Variants in MYMK observed in about 807,000 individuals in gnomAD.
MYMK encodes protein myomaker.
Under a neutral mutation model 22.4 loss-of-function variants are expected in MYMK, and 16 were observed. The ratio of observed to expected loss-of-function variants is 0.72; its 90% CI spans 0.48 to 1.09. MYMK has a LOEUF of 1.09. MYMK is among the 50% of genes least tolerant of loss of function. MYMK has a pLI of 0.00. For synonymous variants in MYMK, 125 were observed against 127.0 expected, an observed-to-expected ratio of 0.98 and a Z score of 0.11; for missense variants, 250 against 295.6, an observed-to-expected ratio of 0.85 and a Z score of 1.13.
intron 3 of MYMK, among the ~76,000 whole-genome samples, chr9:133,517,087 C>T (rs961008859): frequency 6.6e-6 from 1 of 152,198 alleles, no homozygotes; most frequent in Non-Finnish European, 1.5e-5. Flanking sequence ...GTGGGAAACA[C>T]AGCAGTGAAT....
At chr9:133,521,867 G>A (rs1271830477) in intron 1 of MYMK, among the ~76,000 whole-genome samples, 1 of 152,236 alleles carries the variant, frequency 6.6e-6, no homozygotes, top group African/African-American at 2.4e-5. Context: ...AGATGGTCAT[G>A]TGTGATTAAG....
rs746683157 is a variant in MYMK, at chr9:133,524,711, G to A, written c.134C>T (p.Ala45Val). The part of the protein sequence containing the change: ...MVYLFTLFFV[A>V]LHHACNGPGL... ...CTTCCTCCCAGCCCCCAGACTCACC[G>A]CCACGAAGAACAGGGTGAAGAGGTA... is the stretch of plus-strand genomic sequence containing the variant. The change falls in exon 1 of 5, where the codon GCG (alanine) becomes GTG (valine). Residue 45 changes from alanine to valine, a missense_variant and splice_region_variant. Transcript: ENST00000339996. 100 of 1,614,020 alleles carry A rather than the reference G, an allele frequency of 6.2e-5. No individual in the cohort carries two copies. The highest frequency in any genetic ancestry group is 8.3e-5 in the Non-Finnish European group (98 of 1,180,024).
chr9:133,518,299 G>A (rs537269075), intron 3 of MYMK, among the ~76,000 whole-genome samples: 7 of 152,294 alleles, frequency 4.6e-5, no homozygotes, highest in African/African-American at 1.7e-4. Flanking sequence ...GCTCTGCAAG[G>A]GGCTGTCTGT....
rs115800157 is a variant in MYMK, at chr9:133,516,395, G to A, written c.400-788C>T. Among the ~76,000 whole-genome samples the A allele has an allele frequency of 8.2e-3, 1,248 of 152,308 alleles. 9 individuals carry two copies. Among genetic ancestry groups the A allele is most frequent in the Middle Eastern group, 0.027 (8 of 292 alleles). ...GAAGGAGGGAGGGTTGGGTGATGGC[G>A]GCCTCGGAGTGGGGCCAGACCCGTG... On this transcript the variant is annotated intron_variant, in intron 3 of 4. Coordinates refer to ENST00000339996, the MANE Select transcript of MYMK (RefSeq NM_001080483.3).
At position 133,524,811 on chromosome 9, in the gene MYMK, T is replaced by C. The variant is rs1240410087; in HGVS notation, c.34A>G (p.Thr12Ala). The part of the protein sequence containing the change: ...GTLVAKLLLP[T>A]LSSLAFLPTV... ...GGGAGGAAGGCCAGGCTGCTGAGGGTGGGCAGGAGCAGCTTGGCCACCAGC... is the reference window on the plus strand; with the variant it reads ...GGGAGGAAGGCCAGGCTGCTGAGGGCGGGCAGGAGCAGCTTGGCCACCAGC... The change falls in exon 1 of 5, where the codon ACC becomes GCC. Residue 12 changes from threonine (T) to alanine (A), a missense_variant. Thr to Ala is a moderately conservative substitution (Grantham distance 58). Coordinates refer to ENST00000339996, the MANE Select transcript of MYMK (RefSeq NM_001080483.3). The C allele has an allele frequency of 2.5e-6, 4 of 1,613,106 alleles. No individual in the cohort carries two copies. Among genetic ancestry groups the C allele is most frequent in the Non-Finnish European group, 3.4e-6 (4 of 1,179,732 alleles).
chr9:133,522,743 T>C (rs561330924), intron 1 of MYMK, among the ~76,000 whole-genome samples: 11 of 152,276 alleles, frequency 7.2e-5, no homozygotes, highest in Admixed American at 7.2e-4. Flanking sequence ...TGCAGAGAAA[T>C]CCTGGCTCTG....
At chr9:133,521,411 C>T (rs1054318432) in intron 1 of MYMK, among the ~76,000 whole-genome samples, 12 of 151,968 alleles carry the variant, frequency 7.9e-5, no homozygotes, top group Admixed American at 2.6e-4. Context: ...ACAGAGGGAG[C>T]GGGGGCCCTG....
intron 1 of MYMK, among the ~76,000 whole-genome samples, chr9:133,522,416 C>A (rs1468826147): frequency 1.3e-5 from 2 of 152,074 alleles, no homozygotes; most frequent in Non-Finnish European, 2.9e-5. Flanking sequence ...AGCAAGGTGT[C>A]CGGCACAGAG....
At chr9:133,523,048 C>G (rs1588267145) in intron 1 of MYMK, among the ~76,000 whole-genome samples, 1 of 152,194 alleles carries the variant, frequency 6.6e-6, no homozygotes, top group East Asian at 1.9e-4. Context: ...CTCAGAAGCT[C>G]CAGGGCATCT....
intron 1 of MYMK, 146 bp downstream of exon 1, chr9:133,524,564 A>G: frequency 1.7e-6 from 2 of 1,194,026 alleles, no homozygotes; most frequent in Non-Finnish European, 2.3e-6. Context: ...CTCTCTCTTC[A>G]GTCTCCAGAC....
At chr9:133,520,339 C>A (rs775614589) in intron 1 of MYMK, 51 bp from the exon 2 acceptor site, 6 of 1,479,594 alleles carry the variant, frequency 4.1e-6, no homozygotes, top group Middle Eastern at 3.4e-4. Context: ...AGAGCTGGTC[C>A]CCGAGCCACG....
chr9:133,515,687 G>GGTTT lies in MYMK; in HGVS notation c.400-81_400-80insAAAC. ...CCCTCCCCAAACCAGCCCGAGAGCT[G>GGTTT]GCCCTGCACAGGCTCACCCCAGCCC... On this transcript the variant is annotated intron_variant, in intron 3 of 4. Transcript: ENST00000339996. The surrounding 1 kb of genome is among the most constrained non-coding windows in gnomAD (Gnocchi z 5.8). 1 of 930,572 alleles carries GGTTT rather than the reference G, an allele frequency of 1.1e-6. No individual in the cohort carries two copies. Among genetic ancestry groups the GGTTT allele is most frequent in the Non-Finnish European group, 1.7e-6 (1 of 573,728 alleles). The allele number at this position is 930,572 out of a possible 1,614,324, so 57.6% of individuals were successfully genotyped here. A position where few individuals can be genotyped will look rare whatever the true frequency, so the allele number is the denominator to read the frequency against.
intron 3 of MYMK, among the ~76,000 whole-genome samples, chr9:133,516,119 G>A (rs1401862204): frequency 1.3e-5 from 2 of 152,258 alleles, no homozygotes; most frequent in African/African-American, 2.4e-5. Flanking sequence ...GGCCAGCACT[G>A]CTTCTCAGGT....
At chr9:133,519,372 G>T (rs1844670925) in intron 2 of MYMK, among the ~76,000 whole-genome samples, 1 of 152,136 alleles carries the variant, frequency 6.6e-6, no homozygotes. Flanking sequence ...TTCAAGACTA[G>T]CCTGGGCAAC....
In MYMK at chr9:133,520,299, A is replaced by C. The variant is rs1588266181; in HGVS notation, c.136-11T>G. 6.2e-7 allele frequency: 1 copy of C among 1,612,516 alleles called. No individual in the cohort carries two copies. The highest frequency in any genetic ancestry group is 8.5e-7 in the Non-Finnish European group (1 of 1,178,944). On this transcript the variant is annotated splice_polypyrimidine_tract_variant and intron_variant, in intron 1 of 4. Transcript: ENST00000339996. ...GCAGGCATGGTGGAGCTGCCAGAAA[A>C]CCCACAGGTGGTCACAGCACAAAGA...
chr9:133,517,847 C>T (rs9286381), intron 3 of MYMK, among the ~76,000 whole-genome samples: 141,694 of 152,198 alleles, frequency 0.93, 66,191 homozygotes, highest in East Asian at 1. Context: ...AGAACTCGAG[C>T]GCTCTCCCCA....
chr9:133,515,399 C>T lies in MYMK; in HGVS notation c.516+92G>A. 2 of 879,942 alleles carry T rather than the reference C, an allele frequency of 2.3e-6. No homozygotes were observed. The highest frequency in any genetic ancestry group is 3.7e-6 in the Non-Finnish European group (2 of 540,508). The allele number at this position is 879,942 out of a possible 1,614,324, so 54.5% of individuals were successfully genotyped here. A position where few individuals can be genotyped will look rare whatever the true frequency, so the allele number is the denominator to read the frequency against. Reference sequence around the variant, plus strand: ...TTTGGCCTGGGGCTGTCAGAGTCCCCCCAGCGTGGGCACAGCCCTGGTATC... The same window carrying T: ...TTTGGCCTGGGGCTGTCAGAGTCCCTCCAGCGTGGGCACAGCCCTGGTATC... On this transcript the variant is annotated intron_variant, in intron 4 of 4. Coordinates refer to ENST00000339996, the MANE Select transcript of MYMK (RefSeq NM_001080483.3). The surrounding 1 kb of genome is among the most constrained non-coding windows in gnomAD (Gnocchi z 5.8).
intron 1 of MYMK, among the ~76,000 whole-genome samples, chr9:133,522,266 G>A (rs559890015): frequency 2.0e-5 from 3 of 151,906 alleles, no homozygotes; most frequent in African/African-American, 7.3e-5. Context: ...GCGGCTGAGG[G>A]CCTGGGGGGT....
At chr9:133,516,875 T>C (rs1013780037) in intron 3 of MYMK, among the ~76,000 whole-genome samples, 30 of 152,014 alleles carry the variant, frequency 2.0e-4, no homozygotes, top group African/African-American at 7.2e-4. Flanking sequence ...GCCCAACCCC[T>C]CCCAAGAGGG....
Sources: gnomAD v4.1 joint callset for allele counts (sites outside exome capture counted in the v4.1 genomes callset) on GRCh38, gnomAD v4.1.1 for gene constraint, Gnocchi (gnomAD v3.1) non-coding constraint, MANE v1.5 for transcripts, NCBI Gene and HGNC (gene_info 2026-07-23, HGNC 2026-07-21) for gene names.